Variants in DLEU7 observed in about 807,000 individuals in gnomAD.
DLEU7 encodes deleted in lymphocytic leukemia 7, also known as leukemia-associated protein 7.
A neutral mutation model predicts 16.0 loss-of-function variants in DLEU7; 17 were observed. The observed-to-expected ratio is 1.06, with a 90% CI of 0.73 to 1.59. The LOEUF (loss-of-function observed/expected upper bound fraction) is 1.59, where lower values mean the gene tolerates loss of function less well. Among genes scored for constraint, DLEU7 ranks in the 40% most tolerant of loss-of-function variants. The probability of loss-of-function intolerance (pLI) is 0.00; values close to 1 mark genes in which losing one functional copy is unlikely to be tolerated. For synonymous variants in DLEU7, 113 were observed against 139.8 expected, an observed-to-expected ratio of 0.81 and a Z score of 1.35; for missense variants, 308 against 314.9, an observed-to-expected ratio of 0.98 and a Z score of 0.17.
intron 1 of DLEU7, chr13:50,808,848 T>A (rs372895261): frequency 1.3e-5 from 2 of 151,328 alleles, no homozygotes; most frequent in Non-Finnish European, 2.9e-5. Flanking sequence ...TGTAAAATCA[T>A]GAGTTTAGAA....
intron 1 of DLEU7, among the ~76,000 whole-genome samples, chr13:50,756,119 A>G (rs996172926): frequency 3.3e-5 from 5 of 152,120 alleles, no homozygotes; most frequent in African/African-American, 1.2e-4. Flanking sequence ...TGGAGGTTGC[A>G]GGGGGGTGAA....
At chr13:50,790,156 C>G (rs1026111694) in intron 1 of DLEU7, among the ~76,000 whole-genome samples, 1 of 152,072 alleles carries the variant, frequency 6.6e-6, no homozygotes, top group Admixed American at 6.5e-5. Context: ...TGGTATCGAA[C>G]TCCTGGCCTC....
chr13:50,762,800 G>GAA (rs34858154), intron 1 of DLEU7, among the ~76,000 whole-genome samples: 7 of 119,322 alleles, frequency 5.9e-5, no homozygotes, highest in Non-Finnish European at 3.6e-5. Flanking sequence ...TATTGTGCTA[G>GAA]AAAAAAAAAA....
At chr13:50,806,568 G>A (rs969931118) in intron 1 of DLEU7, among the ~76,000 whole-genome samples, 11 of 151,694 alleles carry the variant, frequency 7.3e-5, no homozygotes, top group African/African-American at 1.7e-4. Flanking sequence ...TAGACAGCTC[G>A]GAGTAATATT....
chr13:50,734,398 C>T (rs1014983232), intron 1 of DLEU7, among the ~76,000 whole-genome samples: 2 of 152,086 alleles, frequency 1.3e-5, no homozygotes, highest in Admixed American at 1.3e-4. Flanking sequence ...TAATTTTACT[C>T]ATATTGGCCC....
upstream of DLEU7, chr13:50,843,837 A>G (rs951740155): frequency 1.1e-5 from 8 of 706,372 alleles, no homozygotes; most frequent in Admixed American, 3.2e-4. The surrounding 1 kb of genome is among the most constrained non-coding windows in gnomAD (Gnocchi z 5.7). Context: ...CTTCGCCTGA[A>G]GTCCGAATCA....
chr13:50,835,429 G>A (rs1877423051), intron 1 of DLEU7, among the ~76,000 whole-genome samples: 1 of 152,174 alleles, frequency 6.6e-6, no homozygotes, highest in Non-Finnish European at 1.5e-5. Flanking sequence ...ATCGTTTCAT[G>A]TTTCTTTTTT....
intron 1 of DLEU7, among the ~76,000 whole-genome samples, chr13:50,834,847 G>A (rs1877400236): frequency 6.6e-6 from 1 of 152,116 alleles, no homozygotes; most frequent in Non-Finnish European, 1.5e-5. Flanking sequence ...ATGCACCATG[G>A]AATACTATGC....
chr13:50,741,158 T>C (rs1217677198), intron 1 of DLEU7, among the ~76,000 whole-genome samples: 1 of 152,210 alleles, frequency 6.6e-6, no homozygotes, highest in East Asian at 1.9e-4. Flanking sequence ...GATGCATTTC[T>C]ACTTGTAGAA....
At chr13:50,821,417 A>C (rs972908322), downstream of DLEU7, among the ~76,000 whole-genome samples, 2 of 152,298 alleles carry the variant, frequency 1.3e-5, no homozygotes, top group Non-Finnish European at 2.9e-5. Flanking sequence ...TATGCAACAT[A>C]CAAAGATGTC....
intron 1 of DLEU7, among the ~76,000 whole-genome samples, chr13:50,772,599 T>G (rs966428420): frequency 6.6e-6 from 1 of 152,236 alleles, no homozygotes; most frequent in Non-Finnish European, 1.5e-5. Flanking sequence ...TGGCCCCCAC[T>G]CTCTTCTGGC....
intron 1 of DLEU7, among the ~76,000 whole-genome samples, chr13:50,752,974 T>G (rs567107007): frequency 1.3e-5 from 2 of 152,172 alleles, no homozygotes; most frequent in South Asian, 4.1e-4. Context: ...GCCTTTACAA[T>G]CCCTGAGCTA....
chr13:50,777,389 G>T (rs376328219), intron 1 of DLEU7, among the ~76,000 whole-genome samples: 1 of 152,132 alleles, frequency 6.6e-6, no homozygotes, highest in Admixed American at 6.5e-5. Flanking sequence ...ACGTGAAAAG[G>T]CTAGACTGGC....
Position 50,771,396 on chromosome 13 carries a change from C to A in DLEU7, c.460-58156G>T, listed in dbSNP as rs189844696. 1.8e-3 allele frequency among the ~76,000 whole-genome samples: 270 copies of A among 152,268 alleles called. 1 individual carries two copies. Among genetic ancestry groups the A allele is most frequent in the African/African-American group, 6.2e-3 (256 of 41,556 alleles). On this transcript the variant is annotated intron_variant, in intron 1 of 1. Coordinates refer to the DLEU7 transcript ENST00000400393. ...GATCTTCCCTGCTTTCTCTTGTGGG[C>A]ATTTAGTGCTATAAATTTCCCTCTA...
intron 1 of DLEU7, among the ~76,000 whole-genome samples, chr13:50,782,128 C>CG (rs1875666100): frequency 6.6e-6 from 1 of 152,170 alleles, no homozygotes; most frequent in Non-Finnish European, 1.5e-5. Context: ...CTCTTCCCTC[C>CG]GTTAGTGGTC....
At chr13:50,794,815 A>G (rs1394537292) in intron 1 of DLEU7, among the ~76,000 whole-genome samples, 1 of 152,306 alleles carries the variant, frequency 6.6e-6, no homozygotes, top group East Asian at 1.9e-4. Flanking sequence ...GATTTACTTC[A>G]AATGACTTTT....
intron 1 of DLEU7, among the ~76,000 whole-genome samples, chr13:50,803,983 G>A (rs570140769): frequency 6.6e-6 from 1 of 151,972 alleles, no homozygotes; most frequent in African/African-American, 2.4e-5. Flanking sequence ...TTTTATTAAC[G>A]TGGAAATCTT....
intron 1 of DLEU7, among the ~76,000 whole-genome samples, chr13:50,717,328 A>G (rs1873465995): frequency 6.6e-6 from 1 of 152,242 alleles, no homozygotes; most frequent in Admixed American, 6.5e-5. Context: ...GGAAAATGCC[A>G]GAAAGTTGAT....
At chr13:50,827,984 CA>C (rs199612773) in intron 1 of DLEU7, among the ~76,000 whole-genome samples, 3 of 150,970 alleles carry the variant, frequency 2.0e-5, no homozygotes, top group Admixed American at 1.3e-4. Flanking sequence ...AAAATAAAAC[CA>C]AAAAAAATCA....
Sources: gnomAD v4.1 joint callset for allele counts (sites outside exome capture counted in the v4.1 genomes callset) on GRCh38, gnomAD v4.1.1 for gene constraint, Gnocchi (gnomAD v3.1) non-coding constraint, MANE v1.5 for transcripts, NCBI Gene and HGNC (gene_info 2026-07-23, HGNC 2026-07-21) for gene names.